Variants in ABLIM2 observed in about 807,000 individuals in gnomAD.
The protein encoded by ABLIM2 is actin binding LIM protein family member 2.
ABLIM2 carries 53 observed loss-of-function variants against 97.7 expected under a neutral mutation model. The ratio of observed to expected loss-of-function variants is 0.54; its 90% confidence interval spans 0.44 to 0.68. ABLIM2 has a LOEUF of 0.68. ABLIM2 is among the 30% of genes least tolerant of loss of function. ABLIM2 has a pLI of 0.00. For missense variants in ABLIM2, 835 were observed against 867.2 expected (o/e 0.96, Z 0.47); for synonymous variants, 361 against 345.8 (o/e 1.04, Z -0.49).
intron 16 of ABLIM2, among the ~76,000 whole-genome samples, chr4:8,000,841 A>G (rs1158555759): frequency 6.6e-6 from 1 of 152,146 alleles, no homozygotes; most frequent in Admixed American, 6.5e-5. Flanking sequence ...CAGGTGACAG[A>G]TCTGTGATCC....
rs147065797 is a variant in ABLIM2, at chr4:8,028,630, TTCAA to T, written c.1169-777_1169-774del. On this transcript the variant is annotated intron_variant, in intron 11 of 20. Coordinates refer to ENST00000447017, the MANE Select transcript of ABLIM2 (RefSeq NM_001130083.2). ...ACTCATTCCCTTACTTGCTCACTCATTCAATCACTCATTCACTCACTGACCCATT... is the reference window on the plus strand; with the variant it reads ...ACTCATTCCCTTACTTGCTCACTCATTCACTCATTCACTCACTGACCCATT... Among the ~76,000 whole-genome samples, 601 of 152,140 alleles carry T rather than the reference TTCAA, an allele frequency of 4.0e-3. 1 individual carries two copies. The highest frequency in any genetic ancestry group is 5.6e-3 in the Non-Finnish European group (383 of 67,978).
chr4:7,972,375 A>G (rs938419637), intron 20 of ABLIM2, among the ~76,000 whole-genome samples: 1 of 152,018 alleles, frequency 6.6e-6, no homozygotes, highest in Non-Finnish European at 1.5e-5. Context: ...ACTGGTCCTG[A>G]CTCAAGTGTC....
At chr4:8,106,152 C>G (rs980781879) in intron 2 of ABLIM2, among the ~76,000 whole-genome samples, 1 of 152,190 alleles carries the variant, frequency 6.6e-6, no homozygotes, top group African/African-American at 2.4e-5. Flanking sequence ...TGCGGCTGAC[C>G]ATGACCGTTT....
Position 7,992,788 on chromosome 4 carries a change from G to A in ABLIM2, c.1680+78C>T. On this transcript the variant is annotated intron_variant, in intron 17 of 20. Coordinates refer to ENST00000447017, the MANE Select transcript of ABLIM2 (RefSeq NM_001130083.2). The surrounding 1 kb of genome is among the most constrained non-coding windows in gnomAD (Gnocchi z 5.7). ...CCGGGGCCTCTCCTCCTGCTGTGTG[G>A]TCAAGAAGCTGTGGGAAACGTGCTC... 6.6e-7 allele frequency: 1 copy of A among 1,511,580 alleles called. No homozygotes were observed. Among genetic ancestry groups the A allele is most frequent in the Non-Finnish European group, 9.1e-7 (1 of 1,103,524 alleles). The allele number at this position is 1,511,580 out of a possible 1,614,324, so 93.6% of individuals were successfully genotyped here.
Position 8,036,129 on chromosome 4 carries a change from C to T in ABLIM2, c.1047+20G>A, listed in dbSNP as rs766487631. On this transcript the variant is annotated intron_variant, in intron 10 of 20. Transcript: ENST00000447017. ...ACTTGGGGACACAGGTGTCCAGGGC[C>T]ATGTGGGCAGGGTCCATACCTCGCC... 1 of 1,612,692 alleles carries T rather than the reference C, an allele frequency of 6.2e-7. No individual in the cohort carries two copies. Among genetic ancestry groups the T allele is most frequent in the Non-Finnish European group, 8.5e-7 (1 of 1,179,228 alleles).
In ABLIM2 at chr4:8,150,832, A is replaced by G. The variant is rs1712424867; in HGVS notation, c.10+7848T>C. Among the ~76,000 whole-genome samples the G allele has an allele frequency of 6.6e-6, 1 of 152,184 alleles. No individual in the cohort carries two copies. On this transcript the variant is annotated intron_variant, in intron 1 of 20. Transcript: ENST00000447017. This position sits in a 1 kb window ranked among gnomAD's most constrained non-coding sequence, Gnocchi z 6.3. Reference sequence around the variant, plus strand: ...CTGAGATGGGGCTGGCAGGGGAGACAGCAGGACCAGAGAAGGGGAGGGGAA... The same window carrying G: ...CTGAGATGGGGCTGGCAGGGGAGACGGCAGGACCAGAGAAGGGGAGGGGAA...
Position 8,032,375 on chromosome 4 carries a change from G to A in ABLIM2, c.1048-2599C>T, listed in dbSNP as rs952699455. Among the ~76,000 whole-genome samples the A allele has an allele frequency of 6.6e-6, 1 of 152,138 alleles. No individual in the cohort carries two copies. Among genetic ancestry groups the A allele is most frequent in the Non-Finnish European group, 1.5e-5 (1 of 68,020 alleles). On this transcript the variant is annotated intron_variant, in intron 10 of 20. Transcript: ENST00000447017. The surrounding 1 kb of genome is among the most constrained non-coding windows in gnomAD (Gnocchi z 4.3). Reference sequence around the variant, plus strand: ...GAATTTTCCCCTAAAGGAAGCCACGGCCCAGACCACGATCTGCTCAGGGTA... The same window carrying A: ...GAATTTTCCCCTAAAGGAAGCCACGACCCAGACCACGATCTGCTCAGGGTA...
Position 8,019,613 on chromosome 4 carries a change from C to T in ABLIM2, c.1423+5G>A, listed in dbSNP as rs376575960. 23 of 1,608,460 alleles carry T rather than the reference C, an allele frequency of 1.4e-5. No homozygotes were observed. The highest frequency in any genetic ancestry group is 2.2e-5 in the East Asian group (1 of 44,696). Reference sequence around the variant, plus strand: ...ACCACAGCAGCGGGAGGAATCCAACCGTACCATGCTGTCTGTAGATAGGGG... The same window carrying T: ...ACCACAGCAGCGGGAGGAATCCAACTGTACCATGCTGTCTGTAGATAGGGG... On this transcript the variant is annotated splice_donor_5th_base_variant and intron_variant, in intron 14 of 20. Coordinates refer to ENST00000447017, the MANE Select transcript of ABLIM2 (RefSeq NM_001130083.2). This position sits in a 1 kb window ranked among gnomAD's most constrained non-coding sequence, Gnocchi z 4.3.
At chr4:8,088,146 GC>G (rs1457243681) in intron 4 of ABLIM2, 22 bp downstream of exon 4, 2 of 1,501,512 alleles carry the variant, frequency 1.3e-6, no homozygotes, top group East Asian at 4.9e-5. Context: ...CACTCAACAT[GC>G]CCCCACTCAG....
rs1271825277 is a variant in ABLIM2 at position 8,054,370 on chromosome 4, G to A, written c.764-124C>T. The A allele has an allele frequency of 1.0e-6, 1 of 984,260 alleles. No homozygotes were observed. The allele number at this position is 984,260 out of a possible 1,614,324, so 61.0% of individuals were successfully genotyped here. ...CGTGCACTCGGACTCCACCCTCCAAGCGGCCCTGAGCATCCTCTCTGTGCT... is the reference window on the plus strand; with the variant it reads ...CGTGCACTCGGACTCCACCCTCCAAACGGCCCTGAGCATCCTCTCTGTGCT... On this transcript the variant is annotated intron_variant, in intron 7 of 20. Transcript: ENST00000447017. This position sits in a 1 kb window ranked among gnomAD's most constrained non-coding sequence, Gnocchi z 4.9.
Position 8,003,539 on chromosome 4 carries a change from A to T in ABLIM2, c.1618+4520T>A, listed in dbSNP as rs1316215415. On this transcript the variant is annotated intron_variant, in intron 16 of 20. Coordinates refer to ENST00000447017, the MANE Select transcript of ABLIM2 (RefSeq NM_001130083.2). This position sits in a 1 kb window ranked among gnomAD's most constrained non-coding sequence, Gnocchi z 4.2. ...AGCTCCCACCCACTGTCTCTGGACC[A>T]CTACGCTCTTCTTCCAGTTTTCTTT... 6.7e-6 allele frequency among the ~76,000 whole-genome samples: 1 copy of T among 149,856 alleles called. No individual in the cohort carries two copies. Among genetic ancestry groups the T allele is most frequent in the Admixed American group, 6.7e-5 (1 of 15,036 alleles).
rs1005403194 is a variant in ABLIM2, at chr4:8,123,344, C to A, written c.11-16707G>T. ...AAGGGAACCCCATCTCAGAGATGCT[C>A]AGTAACCTGTCTAGATCACACAGCC... On this transcript the variant is annotated intron_variant, in intron 1 of 20. Transcript: ENST00000447017. The surrounding 1 kb of genome is among the most constrained non-coding windows in gnomAD (Gnocchi z 6.2). Among the ~76,000 whole-genome samples, 2 of 152,174 alleles carry A rather than the reference C, an allele frequency of 1.3e-5. No homozygotes were observed. Among genetic ancestry groups the A allele is most frequent in the Non-Finnish European group, 2.9e-5 (2 of 68,034 alleles).
At chr4:7,993,351 C>T (rs1053226686) in intron 16 of ABLIM2, among the ~76,000 whole-genome samples, 3 of 152,254 alleles carry the variant, frequency 2.0e-5, no homozygotes, top group African/African-American at 7.2e-5. Flanking sequence ...AATGGAGGCC[C>T]ACCACCAAGC....
In ABLIM2 at chr4:8,075,097, C is replaced by T. The variant is rs558665484; in HGVS notation, c.675+2531G>A. Among the ~76,000 whole-genome samples, 401 of 152,264 alleles carry T rather than the reference C, an allele frequency of 2.6e-3. 3 individuals carry two copies. The highest frequency in any genetic ancestry group is 9.3e-3 in the African/African-American group (387 of 41,548). On this transcript the variant is annotated intron_variant, in intron 6 of 20. Coordinates refer to ENST00000447017, the MANE Select transcript of ABLIM2 (RefSeq NM_001130083.2). This position sits in a 1 kb window ranked among gnomAD's most constrained non-coding sequence, Gnocchi z 4.4. Reference sequence around the variant, plus strand: ...CCGCTCCCGGCCCAGCCTGACAATTCTGAGAGTCATGATGAAATATGATGC... The same window carrying T: ...CCGCTCCCGGCCCAGCCTGACAATTTTGAGAGTCATGATGAAATATGATGC...
intron 3 of ABLIM2, 24 bp downstream of exon 3, chr4:8,097,075 G>C (rs749730451): frequency 1.9e-5 from 30 of 1,586,272 alleles, no homozygotes; most frequent in Non-Finnish European, 2.6e-5. Context: ...AGGGGAAGCA[G>C]AGGCCAGGTG....
chr4:8,106,722 G>C, intron 1 of ABLIM2, 85 bp from the exon 2 acceptor site: 1 of 1,476,408 alleles, frequency 6.8e-7, no homozygotes, highest in African/African-American at 1.4e-5. Context: ...AGGACGCACA[G>C]CTGACCCTGC....
At chr4:7,979,147 C>T (rs1736013055) in intron 20 of ABLIM2, among the ~76,000 whole-genome samples, 1 of 152,240 alleles carries the variant, frequency 6.6e-6, no homozygotes. Flanking sequence ...ACATCAGAAC[C>T]TTTTGGTGGC....
rs528359769 is a variant in ABLIM2, at chr4:8,025,118, T to G, written c.1267+2641A>C. ...AATTTTTGTATTTTTAGTAGAGACG[T>G]GGTTTCACCATGTTGGCCAGGCTGG... is the stretch of plus-strand genomic sequence containing the variant. On this transcript the variant is annotated intron_variant, in intron 12 of 20. Transcript: ENST00000447017. 1.6e-4 allele frequency among the ~76,000 whole-genome samples: 24 copies of G among 152,114 alleles called. No homozygotes were observed. The East Asian group carries it at 3.9e-3, about 25-fold the overall frequency.
In ABLIM2 at chr4:7,998,348, G is replaced by A. The variant is rs1052301151; in HGVS notation, c.1619-5421C>T. ...CAGGCTGTCACCCTGTTTAGGTTTCGCGTGTACAGCCTGTTCTTTTGGAGG... is the reference window on the plus strand; with the variant it reads ...CAGGCTGTCACCCTGTTTAGGTTTCACGTGTACAGCCTGTTCTTTTGGAGG... On this transcript the variant is annotated intron_variant, in intron 16 of 20. Coordinates refer to ENST00000447017, the MANE Select transcript of ABLIM2 (RefSeq NM_001130083.2). This position sits in a 1 kb window ranked among gnomAD's most constrained non-coding sequence, Gnocchi z 6.4. Among the ~76,000 whole-genome samples, 5 of 152,118 alleles carry A rather than the reference G, an allele frequency of 3.3e-5. No homozygotes were observed. Among genetic ancestry groups the A allele is most frequent in the Non-Finnish European group, 5.9e-5 (4 of 68,018 alleles).
Sources: gnomAD v4.1 joint callset for allele counts (sites outside exome capture counted in the v4.1 genomes callset) on GRCh38, gnomAD v4.1.1 for gene constraint, Gnocchi (gnomAD v3.1) non-coding constraint, MANE v1.5 for transcripts, NCBI Gene and HGNC (gene_info 2026-07-23, HGNC 2026-07-21) for gene names.